The following GLCE variants were observed in gnomAD, a reference collection of about 807,000 sequenced individuals.
The protein encoded by GLCE is glucuronic acid epimerase, also known as D-glucuronyl C5-epimerase.
In GLCE, 19 loss-of-function variants were observed where a neutral mutation model predicts 47.9. That is an observed-to-expected ratio of 0.40 (90% CI 0.28 to 0.58). GLCE has a LOEUF of 0.58. GLCE is among the 20% of genes least tolerant of loss of function. The pLI is 0.48. For synonymous variants in GLCE, 245 were observed against 263.4 expected (o/e 0.93, Z 0.68); for missense variants, 556 against 743.3 (o/e 0.75, Z 2.93).
chr15:69,249,834 G>A (rs962717825), intron 2 of GLCE, among the ~76,000 whole-genome samples: 4 of 151,984 alleles, frequency 2.6e-5, no homozygotes, highest in African/African-American at 9.7e-5. Context: ...AAAGATGTTT[G>A]AATTGCAAAT....
chr15:69,256,579 T>A (rs951262722), intron 3 of GLCE, among the ~76,000 whole-genome samples, 187 bp downstream of exon 3: 2 of 152,236 alleles, frequency 1.3e-5, no homozygotes, highest in African/African-American at 4.8e-5. Flanking sequence ...ACTTAAGGGC[T>A]GCCATAAGAC....
At chr15:69,227,103 T>C (rs1207182648) in intron 2 of GLCE, among the ~76,000 whole-genome samples, 4 of 152,122 alleles carry the variant, frequency 2.6e-5, no homozygotes, top group African/African-American at 9.7e-5. Flanking sequence ...GAAAAATGTG[T>C]ATGTGTATAA....
intron 2 of GLCE, among the ~76,000 whole-genome samples, chr15:69,214,268 C>T (rs1158931687): frequency 6.6e-6 from 1 of 152,102 alleles, no homozygotes; most frequent in Non-Finnish European, 1.5e-5. Context: ...TTTGTGTCCC[C>T]ACCCATATCT....
intron 2 of GLCE, among the ~76,000 whole-genome samples, chr15:69,236,518 T>A (rs763300384): frequency 1.3e-5 from 2 of 152,180 alleles, no homozygotes; most frequent in Non-Finnish European, 2.9e-5. Flanking sequence ...TGGCAAACAC[T>A]GGACTAAGAT....
At chr15:69,216,662 A>C (rs1231900042) in intron 2 of GLCE, among the ~76,000 whole-genome samples, 1 of 152,100 alleles carries the variant, frequency 6.6e-6, no homozygotes, top group East Asian at 1.9e-4. Context: ...ATAGAAAGTT[A>C]TACAGCAAAC....
intron 1 of GLCE, among the ~76,000 whole-genome samples, chr15:69,190,431 T>C (rs1186912269): frequency 1.3e-5 from 2 of 152,162 alleles, no homozygotes; most frequent in Non-Finnish European, 2.9e-5. Flanking sequence ...TTTGTGCTTG[T>C]AATTTTATCA....
At chr15:69,234,977 A>G (rs1045854043) in intron 2 of GLCE, among the ~76,000 whole-genome samples, 1 of 151,976 alleles carries the variant, frequency 6.6e-6, no homozygotes, top group Non-Finnish European at 1.5e-5. Context: ...TTTCAGGGGA[A>G]TATGTACTCT....
intron 1 of GLCE, among the ~76,000 whole-genome samples, chr15:69,189,955 T>C (rs898160131): frequency 1.3e-5 from 2 of 152,096 alleles, no homozygotes; most frequent in Non-Finnish European, 2.9e-5. Flanking sequence ...TTAGTTTTCC[T>C]GATCCTCTCC....
intron 2 of GLCE, among the ~76,000 whole-genome samples, chr15:69,214,514 G>A (rs2140379893): frequency 6.6e-6 from 1 of 152,168 alleles, no homozygotes; most frequent in African/African-American, 2.4e-5. Context: ...GGCCTCCCCA[G>A]CCATGTTGAA....
intron 3 of GLCE, among the ~76,000 whole-genome samples, chr15:69,257,497 C>G (rs915576123): frequency 6.6e-6 from 1 of 152,044 alleles, no homozygotes; most frequent in African/African-American, 2.4e-5. Flanking sequence ...CTCCACCATG[C>G]CCAGCTAATT....
chr15:69,195,473 A>G lies in GLCE; in HGVS notation c.-104-14843A>G, dbSNP rs894064987. ...GTGTGTGTTTGTGTGTATTAACAAA[A>G]TTTGAAATTTTTACTTACCTTCTCT... On this transcript the variant is annotated intron_variant, in intron 1 of 4. Transcript: ENST00000261858. Among the ~76,000 whole-genome samples the G allele has an allele frequency of 7.2e-5, 11 of 152,170 alleles. 1 individual carries two copies. In the South Asian group the frequency reaches 2.1e-3, roughly 29 times the overall value.
intron 2 of GLCE, among the ~76,000 whole-genome samples, chr15:69,252,234 T>C (rs1037115710): frequency 6.6e-6 from 1 of 152,198 alleles, no homozygotes; most frequent in Non-Finnish European, 1.5e-5. Flanking sequence ...TGTAAAGGAA[T>C]ACCTGAGACT....
In GLCE at chr15:69,240,155, A is replaced by G. The variant is rs146538712; in HGVS notation, c.-13-15639A>G. 6.4e-4 allele frequency among the ~76,000 whole-genome samples: 98 copies of G among 152,282 alleles called. 1 individual carries two copies. The East Asian group carries it at 0.017, about 27-fold the overall frequency. On this transcript the variant is annotated intron_variant, in intron 2 of 4. Transcript: ENST00000261858. ...AAAAAGAGAGACAGTTGAACATTAT[A>G]TACTTCCTGATGAAGGTTCACATCT...
intron 1 of GLCE, among the ~76,000 whole-genome samples, chr15:69,188,801 T>C (rs2051870434): frequency 6.6e-6 from 1 of 152,196 alleles, no homozygotes; most frequent in African/African-American, 2.4e-5. Flanking sequence ...CCTCCTCCAT[T>C]AGTCTGGCTA....
chr15:69,168,927 A>T (rs574553305), intron 1 of GLCE, among the ~76,000 whole-genome samples: 1 of 152,228 alleles, frequency 6.6e-6, no homozygotes, highest in Non-Finnish European at 1.5e-5. Flanking sequence ...AATGAATTAC[A>T]TATGTAAACA....
intron 1 of GLCE, among the ~76,000 whole-genome samples, chr15:69,169,367 A>G (rs141435677): frequency 6.6e-6 from 1 of 152,254 alleles, no homozygotes; most frequent in African/African-American, 2.4e-5. Context: ...ATAATAAAAC[A>G]TATCTCCATA....
At position 69,268,880 on chromosome 15, in the gene GLCE, A is replaced by T. The variant is rs992039760; in HGVS notation, c.1490A>T (p.Tyr497Phe). ...KAVFMNKHDW[Y>F]EEYPTTPSSF... Reference sequence around the variant, plus strand: ...GTGTTTATGAATAAACATGACTGGTATGAAGAATATCCAACCACACCTAGC... The same window carrying T: ...GTGTTTATGAATAAACATGACTGGTTTGAAGAATATCCAACCACACCTAGC... The change falls in exon 5 of 5, where the codon TAT becomes TTT. Residue 497 changes from tyrosine to phenylalanine, a missense_variant. By Grantham distance (22) the Tyr-to-Phe change is conservative. Coordinates refer to ENST00000261858, the MANE Select transcript of GLCE (RefSeq NM_015554.3). 1 of 1,613,980 alleles carries T rather than the reference A, an allele frequency of 6.2e-7. No individual in the cohort carries two copies. The highest frequency in any genetic ancestry group is 1.3e-5 in the African/African-American group (1 of 75,040).
chr15:69,235,112 T>C (rs1215832924), intron 2 of GLCE, among the ~76,000 whole-genome samples: 2 of 133,638 alleles, frequency 1.5e-5, no homozygotes, highest in Non-Finnish European at 3.2e-5. Flanking sequence ...TTTTTTTTTT[T>C]TTTTTTTTTT....
At chr15:69,250,907 T>C (rs908804824) in intron 2 of GLCE, among the ~76,000 whole-genome samples, 3 of 152,188 alleles carry the variant, frequency 2.0e-5, no homozygotes, top group Admixed American at 2.0e-4. Context: ...TGTGCTGTTC[T>C]GTAACCTATA....
Sources: allele counts gnomAD v4.1 joint callset (sites outside exome capture counted in the v4.1 genomes callset), GRCh38; gene constraint gnomAD v4.1.1; transcripts MANE v1.5; gene names NCBI Gene and HGNC (gene_info 2026-07-23, HGNC 2026-07-21).